The following TBXAS1 variants were observed in gnomAD, a reference collection of about 807,000 sequenced individuals.
TBXAS1 encodes the protein thromboxane-A synthase.
Under a neutral mutation model 60.7 loss-of-function variants are expected in TBXAS1, and 48 were observed. The ratio of observed to expected loss-of-function variants is 0.79; its 90% CI spans 0.63 to 1.01. The LOEUF (loss-of-function observed/expected upper bound fraction) is 1.01. Among genes scored for constraint, TBXAS1 ranks in the 50% least tolerant of loss-of-function variants. The pLI, the probability that TBXAS1 is intolerant of heterozygous loss-of-function variation, is 0.00. For synonymous variants in TBXAS1, 287 were observed against 269.7 expected, an observed-to-expected ratio of 1.06 and a Z score of -0.63; for missense variants, 685 against 686.3, an observed-to-expected ratio of 1.00 and a Z score of 0.02.
chr7:139,909,188 CT>C (rs1805325872), intron 3 of TBXAS1, among the ~76,000 whole-genome samples: 1 of 152,136 alleles, frequency 6.6e-6, no homozygotes. Flanking sequence ...ATTCACTCAG[CT>C]TCTTGAATAT....
intron 4 of TBXAS1, among the ~76,000 whole-genome samples, chr7:139,928,398 A>G (rs1049145817): frequency 1.6e-4 from 24 of 152,170 alleles, no homozygotes; most frequent in African/African-American, 5.6e-4. Flanking sequence ...TTTTGTGTCT[A>G]TGTTCACGAG....
intron 4 of TBXAS1, among the ~76,000 whole-genome samples, chr7:139,814,039 C>T (rs1798089467): frequency 6.6e-6 from 1 of 152,178 alleles, no homozygotes; most frequent in Admixed American, 6.5e-5. Context: ...CCCAGCACGG[C>T]CTTTGCTTCT....
At chr7:139,897,578 A>G (rs1455071822) in intron 3 of TBXAS1, among the ~76,000 whole-genome samples, 1 of 151,992 alleles carries the variant, frequency 6.6e-6, no homozygotes, top group Admixed American at 6.6e-5. Flanking sequence ...GGAGACAGAA[A>G]CCTCTGAGTG....
At chr7:139,978,580 G>T (rs1449248589) in intron 9 of TBXAS1, among the ~76,000 whole-genome samples, 1 of 151,946 alleles carries the variant, frequency 6.6e-6, no homozygotes, top group Admixed American at 6.6e-5. Context: ...CACGCGCTCT[G>T]TTCTTGGTGC....
intron 9 of TBXAS1, among the ~76,000 whole-genome samples, chr7:139,985,962 C>T (rs1006635412): frequency 1.3e-5 from 2 of 152,254 alleles, no homozygotes; most frequent in Non-Finnish European, 2.9e-5. Flanking sequence ...GGCCCCATGG[C>T]AGGGCCTGGT....
intron 12 of TBXAS1, 84 bp downstream of exon 12, chr7:140,017,917 G>A: frequency 3.1e-6 from 5 of 1,591,292 alleles, no homozygotes; most frequent in Non-Finnish European, 4.3e-6. Context: ...AGGCCAGCCT[G>A]GGGGCAACAT....
intron 1 of TBXAS1, among the ~76,000 whole-genome samples, chr7:139,861,297 G>A (rs934337702): frequency 4.0e-5 from 6 of 151,700 alleles, no homozygotes; most frequent in South Asian, 2.1e-4. Flanking sequence ...GCAGTGGTGC[G>A]ATCATAGCTC....
At chr7:139,983,194 T>G (rs920208445) in intron 9 of TBXAS1, among the ~76,000 whole-genome samples, 1 of 152,204 alleles carries the variant, frequency 6.6e-6, no homozygotes, top group African/African-American at 2.4e-5. Flanking sequence ...CCTCTGATCT[T>G]TGGCATCTTA....
intron 4 of TBXAS1, among the ~76,000 whole-genome samples, chr7:139,924,133 A>T (rs1806702557): frequency 6.6e-6 from 1 of 152,014 alleles, no homozygotes; most frequent in Non-Finnish European, 1.5e-5. Flanking sequence ...TGATATACTG[A>T]TTTCCTTTCT....
At position 140,000,471 on chromosome 7, in the gene TBXAS1, G is replaced by A. The variant is rs376218405; in HGVS notation, c.1135-6620G>A. On this transcript the variant is annotated intron_variant, in intron 9 of 12. Coordinates refer to ENST00000448866, the MANE Select transcript of TBXAS1 (RefSeq NM_001061.7). ...TGCAGTGAGCTATGACAGCACCACT[G>A]CACTGTAGCCTGGGCCACAGAGCAA... 4.6e-5 allele frequency among the ~76,000 whole-genome samples: 7 copies of A among 152,270 alleles called. No individual in the cohort carries two copies. The East Asian group carries it at 1.3e-3, about 29-fold the overall frequency.
At chr7:140,016,127 G>C (rs185451470) in intron 11 of TBXAS1, among the ~76,000 whole-genome samples, 77 of 152,198 alleles carry the variant, frequency 5.1e-4, no homozygotes, top group African/African-American at 1.6e-3. Flanking sequence ...AGGAGATCGA[G>C]ACCATCCTGG....
intron 5 of TBXAS1, among the ~76,000 whole-genome samples, chr7:139,947,887 T>G (rs1808867561): frequency 6.6e-6 from 1 of 150,672 alleles, no homozygotes; most frequent in Non-Finnish European, 1.5e-5. Context: ...TTTTTTGAGA[T>G]GGAGTCTTGC....
At chr7:139,908,667 C>T (rs1232987782) in intron 3 of TBXAS1, among the ~76,000 whole-genome samples, 1 of 151,954 alleles carries the variant, frequency 6.6e-6, no homozygotes, top group Non-Finnish European at 1.5e-5. Flanking sequence ...CATTGAGTAC[C>T]ACATCATATG....
At chr7:139,820,683 G>A (rs2116440302) in intron 4 of TBXAS1, among the ~76,000 whole-genome samples, 1 of 152,158 alleles carries the variant, frequency 6.6e-6, no homozygotes, top group Non-Finnish European at 1.5e-5. Context: ...GGTCCACTGG[G>A]TCTTAGATGT....
chr7:139,924,467 G>A (rs781089279), intron 4 of TBXAS1, among the ~76,000 whole-genome samples: 1 of 151,112 alleles, frequency 6.6e-6, no homozygotes, highest in Non-Finnish European at 1.5e-5. Context: ...TTAAACTGTC[G>A]ATTCACATCT....
At chr7:139,893,702 C>T (rs1255436179) in intron 3 of TBXAS1, among the ~76,000 whole-genome samples, 6 of 152,228 alleles carry the variant, frequency 3.9e-5, no homozygotes, top group Non-Finnish European at 1.5e-5. Flanking sequence ...TTTCTGCACA[C>T]TTCAATACAT....
intron 5 of TBXAS1, among the ~76,000 whole-genome samples, chr7:139,950,883 C>CTCCATCTACGGGACCCCCTCGCCT (rs1809201378): frequency 1.4e-5 from 2 of 144,788 alleles, no homozygotes; most frequent in Non-Finnish European, 3.1e-5. Context: ...CCCCCTCGCC[C>CTCCATCTACGGGACCCCCTCGCCT]TCCATCTACA....
intron 3 of TBXAS1, among the ~76,000 whole-genome samples, chr7:139,906,387 C>A (rs566742582): frequency 6.6e-6 from 1 of 152,186 alleles, no homozygotes; most frequent in South Asian, 2.1e-4. Context: ...AAAACCTACC[C>A]TTCCTGCATT....
chr7:139,882,717 A>G (rs531540528), intron 3 of TBXAS1, among the ~76,000 whole-genome samples: 8 of 152,352 alleles, frequency 5.3e-5, no homozygotes, highest in South Asian at 2.1e-4. Flanking sequence ...CCATGAGGCC[A>G]AACTGTGGGC....
Sources: gnomAD v4.1 joint callset for allele counts (sites outside exome capture counted in the v4.1 genomes callset) on GRCh38, gnomAD v4.1.1 for gene constraint, MANE v1.5 for transcripts, NCBI Gene and HGNC (gene_info 2026-07-23, HGNC 2026-07-21) for gene names.